Variants in CPNE8 observed in about 807,000 individuals in gnomAD.
CPNE8 encodes copine-8.
CPNE8 carries 45 observed loss-of-function variants against 81.5 expected under a neutral mutation model. The observed-to-expected ratio is 0.55, with a 90% CI of 0.44 to 0.71. The LOEUF (loss-of-function observed/expected upper bound fraction) is 0.71. Ranked by LOEUF, CPNE8 falls within the 30% of genes least tolerant of loss-of-function variation. The probability of loss-of-function intolerance (pLI) is 0.00; values close to 1 mark genes in which losing one functional copy is unlikely to be tolerated. For missense variants in CPNE8, 594 were observed against 672.1 expected, an observed-to-expected ratio of 0.88 and a Z score of 1.28; for synonymous variants, 252 against 226.3, an observed-to-expected ratio of 1.11 and a Z score of -1.02.
intron 3 of CPNE8, among the ~76,000 whole-genome samples, chr12:38,851,464 C>T (rs1943645430): frequency 1.3e-5 from 2 of 152,316 alleles, no homozygotes; most frequent in East Asian, 1.9e-4. Context: ...AAATGAAAGT[C>T]ATCAATCTCA....
At chr12:38,883,000 C>T (rs1184602418) in intron 1 of CPNE8, among the ~76,000 whole-genome samples, 1 of 152,172 alleles carries the variant, frequency 6.6e-6, no homozygotes, top group Non-Finnish European at 1.5e-5. Flanking sequence ...TTATTTCCCC[C>T]AGGTGCCCCA....
At chr12:38,704,826 G>GTATATATA (rs573232937) in intron 13 of CPNE8, among the ~76,000 whole-genome samples, 80 of 50,176 alleles carry the variant, frequency 1.6e-3, no homozygotes, top group African/African-American at 2.7e-3. Context: ...GTATGTATGT[G>GTATATATA]TATATATATA....
At chr12:38,862,424 T>A (rs1324528409) in intron 3 of CPNE8, among the ~76,000 whole-genome samples, 23 of 152,128 alleles carry the variant, frequency 1.5e-4, no homozygotes, top group Admixed American at 1.5e-3. Context: ...GTCAGCAACT[T>A]GTTTTCAAAC....
At chr12:38,769,281 A>G (rs1941751700) in intron 7 of CPNE8, among the ~76,000 whole-genome samples, 1 of 152,224 alleles carries the variant, frequency 6.6e-6, no homozygotes, top group Non-Finnish European at 1.5e-5. Context: ...TTTATAACAG[A>G]GCAGGAAATA....
At chr12:38,792,203 A>G (rs1453559513) in intron 6 of CPNE8, among the ~76,000 whole-genome samples, 1 of 151,426 alleles carries the variant, frequency 6.6e-6, no homozygotes, top group Non-Finnish European at 1.5e-5. Flanking sequence ...ACCTAAACCC[A>G]AAGCTAGGAA....
At chr12:38,737,696 A>G (rs191033115) in intron 10 of CPNE8, among the ~76,000 whole-genome samples, 2 of 152,234 alleles carry the variant, frequency 1.3e-5, no homozygotes, top group East Asian at 3.9e-4. Context: ...ATTTCATCTT[A>G]ATTTCTCTCA....
intron 3 of CPNE8, among the ~76,000 whole-genome samples, chr12:38,857,644 G>C (rs1282447662): frequency 6.6e-6 from 1 of 152,160 alleles, no homozygotes; most frequent in Non-Finnish European, 1.5e-5. Flanking sequence ...TAGAGGTAGT[G>C]GCTCACGCCT....
chr12:38,756,140 C>T (rs1160324209), intron 10 of CPNE8, among the ~76,000 whole-genome samples: 1 of 151,730 alleles, frequency 6.6e-6, no homozygotes, highest in Non-Finnish European at 1.5e-5. Flanking sequence ...AACAGCATTA[C>T]CACATTTTTG....
At chr12:38,707,559 G>A (rs888857711) in intron 13 of CPNE8, among the ~76,000 whole-genome samples, 5 of 152,236 alleles carry the variant, frequency 3.3e-5, no homozygotes, top group Admixed American at 1.3e-4. Flanking sequence ...AGTATAAAAG[G>A]TGGATGCATT....
Position 38,671,919 on chromosome 12 carries a change from T to C in CPNE8, c.1433-1117A>G, listed in dbSNP as rs538000989. ...CAATATATATCATAATTATGTAAAA[T>C]CTGTATATTACCAATAATAAGATAA... On this transcript the variant is annotated intron_variant, in intron 18 of 19. Transcript: ENST00000331366. 4.6e-5 allele frequency among the ~76,000 whole-genome samples: 7 copies of C among 152,234 alleles called. No individual in the cohort carries two copies. In the South Asian group the frequency reaches 1.5e-3, roughly 32 times the overall value.
intron 13 of CPNE8, 136 bp downstream of exon 13, chr12:38,723,636 A>C (rs1309834045): frequency 1.5e-6 from 1 of 678,072 alleles, no homozygotes; most frequent in Non-Finnish European, 2.6e-6. Context: ...TTTATATCTG[A>C]AACAGAAGTC....
chr12:38,825,909 A>AT (rs1330469670), intron 6 of CPNE8, among the ~76,000 whole-genome samples: 2 of 152,122 alleles, frequency 1.3e-5, no homozygotes, highest in African/African-American at 2.4e-5. Flanking sequence ...TTACTCTCCC[A>AT]TTTTTAATTA....
intron 1 of CPNE8, among the ~76,000 whole-genome samples, 184 bp downstream of exon 1, chr12:38,905,253 C>T (rs768229827): frequency 6.6e-6 from 1 of 152,230 alleles, no homozygotes; most frequent in Non-Finnish European, 1.5e-5. Flanking sequence ...GAGCCCACCG[C>T]TTCTAATTCC....
At chr12:38,798,585 T>A (rs981097204) in intron 6 of CPNE8, among the ~76,000 whole-genome samples, 5 of 152,036 alleles carry the variant, frequency 3.3e-5, no homozygotes, top group African/African-American at 1.2e-4. Flanking sequence ...TACCAGCCAC[T>A]GCAAAAACAT....
Position 38,653,936 on chromosome 12 carries a change from T to C in CPNE8, c.1641A>G (p.Ser547=), listed in dbSNP as rs2136626534. The change falls in exon 20 of 20, where the codon TCA becomes TCG. Residue 547 remains serine, a synonymous_variant. Coordinates refer to ENST00000331366, the MANE Select transcript of CPNE8 (RefSeq NM_153634.3). ...SYMRARGIKP[S]PAPPPYTPPT... is the part of the protein sequence containing the mutation. Reference sequence around the variant, plus strand: ...GTGGGGTGTATGGGGGAGGCGCAGGTGATGGCTTGATTCCTCGGGCTCTCA... The same window carrying C: ...GTGGGGTGTATGGGGGAGGCGCAGGCGATGGCTTGATTCCTCGGGCTCTCA... 6.2e-7 allele frequency: 1 copy of C among 1,613,646 alleles called. No individual in the cohort carries two copies. Among genetic ancestry groups the C allele is most frequent in the Non-Finnish European group, 8.5e-7 (1 of 1,179,942 alleles).
chr12:38,830,946 A>G (rs949723293), intron 5 of CPNE8, among the ~76,000 whole-genome samples: 1 of 152,250 alleles, frequency 6.6e-6, no homozygotes, highest in Admixed American at 6.5e-5. Flanking sequence ...CCCAGTCACA[A>G]AAAAGCTTAC....
At chr12:38,683,055 T>A (rs1430580502) in intron 16 of CPNE8, among the ~76,000 whole-genome samples, 1 of 152,144 alleles carries the variant, frequency 6.6e-6, no homozygotes, top group Admixed American at 6.6e-5. Flanking sequence ...ACCTTCAAAT[T>A]TTATAAATTT....
At chr12:38,821,498 A>C (rs1943109356) in intron 6 of CPNE8, among the ~76,000 whole-genome samples, 1 of 152,184 alleles carries the variant, frequency 6.6e-6, no homozygotes, top group Admixed American at 6.5e-5. Flanking sequence ...TGGGATGCCC[A>C]AAGGGCTTAT....
chr12:38,895,328 T>A (rs1428997644), intron 1 of CPNE8, among the ~76,000 whole-genome samples: 2 of 152,128 alleles, frequency 1.3e-5, no homozygotes, highest in Non-Finnish European at 2.9e-5. Flanking sequence ...AAGAAAGCAC[T>A]GGACTGAAAT....
Sources: allele counts gnomAD v4.1 joint callset (sites outside exome capture counted in the v4.1 genomes callset), GRCh38; gene constraint gnomAD v4.1.1; transcripts MANE v1.5; gene names NCBI Gene and HGNC (gene_info 2026-07-23, HGNC 2026-07-21).